The following PTPRO variants were observed in gnomAD, a reference collection of about 807,000 sequenced individuals.
The protein encoded by PTPRO is receptor-type tyrosine-protein phosphatase O.
In PTPRO, 62 loss-of-function variants were observed where a neutral mutation model predicts 145.2. The ratio of observed to expected loss-of-function variants is 0.43; its 90% confidence interval spans 0.35 to 0.53. The LOEUF (loss-of-function observed/expected upper bound fraction) is 0.53, where lower values mean the gene tolerates loss of function less well. Ranked by LOEUF, PTPRO falls within the 20% of genes least tolerant of loss-of-function variation. PTPRO has a pLI of 0.01. For synonymous variants in PTPRO, 565 were observed against 514.7 expected (o/e 1.10, Z -1.32); for missense variants, 1,345 against 1,482.7 (o/e 0.91, Z 1.53).
chr12:15,535,094 G>A (rs185503019), intron 12 of PTPRO, among the ~76,000 whole-genome samples: 13 of 152,278 alleles, frequency 8.5e-5, no homozygotes, highest in Middle Eastern at 3.4e-3. Flanking sequence ...AAATGGTGGC[G>A]CAATTCACTG....
intron 10 of PTPRO, 96 bp from the exon 11 acceptor site, chr12:15,524,718 C>T (rs750109062): frequency 7.1e-5 from 95 of 1,333,224 alleles, no homozygotes; most frequent in Non-Finnish European, 9.4e-5. Flanking sequence ...AATTCTAATT[C>T]GCTAAGTTGA....
intron 1 of PTPRO, among the ~76,000 whole-genome samples, chr12:15,431,168 T>A (rs1940426154): frequency 6.6e-6 from 1 of 152,178 alleles, no homozygotes; most frequent in Non-Finnish European, 1.5e-5. Flanking sequence ...GATATTTCCA[T>A]CAGGGACATT....
chr12:15,543,859 A>C (rs1007611422), intron 12 of PTPRO, among the ~76,000 whole-genome samples: 3 of 152,202 alleles, frequency 2.0e-5, no homozygotes, highest in East Asian at 1.9e-4. Flanking sequence ...TACTGATTGA[A>C]GGCAAACATG....
chr12:15,331,605 T>C (rs1188503965), intron 1 of PTPRO, among the ~76,000 whole-genome samples: 1 of 152,194 alleles, frequency 6.6e-6, no homozygotes, highest in Non-Finnish European at 1.5e-5. Context: ...ATTAATGTTA[T>C]GTATAACAAT....
At chr12:15,347,906 T>C (rs1329511359) in intron 1 of PTPRO, among the ~76,000 whole-genome samples, 1 of 152,332 alleles carries the variant, frequency 6.6e-6, no homozygotes, top group East Asian at 1.9e-4. Flanking sequence ...AATTTACCTA[T>C]GGCCCTAAAC....
intron 1 of PTPRO, among the ~76,000 whole-genome samples, chr12:15,480,227 C>A (rs751363154): frequency 6.6e-6 from 1 of 152,074 alleles, no homozygotes; most frequent in Non-Finnish European, 1.5e-5. Context: ...AGTAATAATA[C>A]CTGATTTAAA....
At chr12:15,491,107 C>T (rs901367101) in intron 2 of PTPRO, among the ~76,000 whole-genome samples, 1 of 152,148 alleles carries the variant, frequency 6.6e-6, no homozygotes, top group African/African-American at 2.4e-5. Flanking sequence ...GATGCCAGGT[C>T]AGGTCTCAAA....
intron 1 of PTPRO, among the ~76,000 whole-genome samples, chr12:15,335,406 C>T (rs1055365476): frequency 6.6e-6 from 1 of 152,050 alleles, no homozygotes; most frequent in East Asian, 1.9e-4. Context: ...TTATGAAATG[C>T]ATTGGTGTAA....
At chr12:15,580,888 C>G (rs959068368) in intron 22 of PTPRO, 57 bp downstream of exon 22, 1 of 1,597,848 alleles carries the variant, frequency 6.3e-7, no homozygotes, top group South Asian at 1.1e-5. Flanking sequence ...TAGCCACTGC[C>G]GTTGATGAAA....
In PTPRO at chr12:15,520,593, G is replaced by T. The variant is rs77074367; in HGVS notation, c.1891+281G>T. ...TCTCCGGCTGGGATTGATTAGAATAGAAATATGGCAGGCACAGCCATCAGC... is the reference window on the plus strand; with the variant it reads ...TCTCCGGCTGGGATTGATTAGAATATAAATATGGCAGGCACAGCCATCAGC... On this transcript the variant is annotated intron_variant, in intron 10 of 26. Transcript: ENST00000281171. Among the ~76,000 whole-genome samples, 26 of 152,290 alleles carry T rather than the reference G, an allele frequency of 1.7e-4. No homozygotes were observed. The East Asian group carries it at 4.8e-3, about 28-fold the overall frequency.
At chr12:15,542,939 G>A (rs1376039572) in intron 12 of PTPRO, among the ~76,000 whole-genome samples, 2 of 152,176 alleles carry the variant, frequency 1.3e-5, no homozygotes, top group African/African-American at 2.4e-5. Context: ...GACAGTTGTT[G>A]TCTTGAGTAG....
chr12:15,557,418 A>C (rs750357612), intron 15 of PTPRO, 37 bp from the exon 16 acceptor site: 1 of 1,558,912 alleles, frequency 6.4e-7, no homozygotes, highest in African/African-American at 1.4e-5. Context: ...ATGCTTTGTC[A>C]AGCAGTAACC....
At chr12:15,461,931 T>C (rs1941313239) in intron 1 of PTPRO, among the ~76,000 whole-genome samples, 1 of 152,140 alleles carries the variant, frequency 6.6e-6, no homozygotes, top group South Asian at 2.1e-4. Context: ...TCAGTTCAAC[T>C]AGTATTCCTT....
At chr12:15,529,853 G>A (rs75268972) in intron 12 of PTPRO, among the ~76,000 whole-genome samples, 2 of 152,172 alleles carry the variant, frequency 1.3e-5, no homozygotes, top group African/African-American at 4.8e-5. Flanking sequence ...CAAAACGGCA[G>A]TAGTAAATCC....
intron 1 of PTPRO, among the ~76,000 whole-genome samples, chr12:15,355,786 T>C (rs905579544): frequency 3.9e-5 from 6 of 152,216 alleles, no homozygotes; most frequent in African/African-American, 1.4e-4. Flanking sequence ...AACTAAAGTT[T>C]TTATGGCTAT....
At chr12:15,499,165 T>TA (rs537053842) in intron 3 of PTPRO, among the ~76,000 whole-genome samples, 22 of 152,318 alleles carry the variant, frequency 1.4e-4, no homozygotes, top group African/African-American at 5.3e-4. Context: ...ATTATCTCCT[T>TA]CAATTAATAC....
chr12:15,371,202 T>C (rs1938517103), intron 1 of PTPRO, among the ~76,000 whole-genome samples: 1 of 151,968 alleles, frequency 6.6e-6, no homozygotes, highest in African/African-American at 2.4e-5. Flanking sequence ...AATATTCTTC[T>C]AATGTTAAAT....
intron 1 of PTPRO, chr12:15,440,151 C>A (rs1435585240): frequency 1.2e-5 from 8 of 662,184 alleles, no homozygotes; most frequent in Non-Finnish European, 2.2e-5. Context: ...GCCCCTGTGC[C>A]CAAGAAGCTG....
chr12:15,564,393 C>A (rs1292002147), intron 17 of PTPRO, among the ~76,000 whole-genome samples: 1 of 152,164 alleles, frequency 6.6e-6, no homozygotes, highest in Non-Finnish European at 1.5e-5. Context: ...GGTAACATGG[C>A]AGAGATTATT....
Sources: allele counts gnomAD v4.1 joint callset (sites outside exome capture counted in the v4.1 genomes callset), GRCh38; gene constraint gnomAD v4.1.1; transcripts MANE v1.5; gene names NCBI Gene and HGNC (gene_info 2026-07-23, HGNC 2026-07-21).